Variants in RAP1GAP observed in about 807,000 individuals in gnomAD.
RAP1GAP encodes RAP1 GTPase activating protein, also known as rap1 GTPase-activating protein 1.
RAP1GAP carries 35 observed loss-of-function variants against 87.2 expected under a neutral mutation model. That is an observed-to-expected ratio of 0.40 (90% CI 0.31 to 0.53). The LOEUF is 0.53. Among genes scored for constraint, RAP1GAP ranks in the 20% least tolerant of loss-of-function variants. RAP1GAP has a pLI of 0.48. For synonymous variants in RAP1GAP, 375 were observed against 363.9 expected (o/e 1.03, Z -0.35); for missense variants, 734 against 898.9 (o/e 0.82, Z 2.35).
At chr1:21,648,721 A>G (rs16825755) in intron 2 of RAP1GAP, among the ~76,000 whole-genome samples, 19,626 of 152,188 alleles carry the variant, frequency 0.13, 1,641 homozygotes, top group East Asian at 0.25. Flanking sequence ...ATAGCACACC[A>G]TCTTGCAGAA....
intron 1 of RAP1GAP, among the ~76,000 whole-genome samples, chr1:21,667,413 C>T (rs1224779544): frequency 6.6e-6 from 1 of 152,196 alleles, no homozygotes; most frequent in Non-Finnish European, 1.5e-5. Flanking sequence ...GCCAGGCAGG[C>T]ACCTTGGGAA....
chr1:21,599,535 C>T lies in RAP1GAP; in HGVS notation c.1735G>A (p.Val579Met). The T allele has an allele frequency of 6.2e-7, 1 of 1,609,852 alleles. No individual in the cohort carries two copies. Among genetic ancestry groups the T allele is most frequent in the South Asian group, 1.1e-5 (1 of 91,088 alleles). Residue 579 changes from valine to methionine, a missense_variant, in exon 21 of 25, where the codon GTG (valine) becomes ATG (methionine). By Grantham distance (21) the Val-to-Met change is conservative (BLOSUM62 1). This residue lies in a region of RAP1GAP where 249 missense variants were observed against 252.7 expected (regional missense o/e 0.99). Transcript: ENST00000374765. ...SSSASSFASV[V>M]EETEGVDGED... ...CCGTCCACACCCTCCGTCTCCTCCACCACGCTGGCGAAGCTGCTGGCACTG... is the reference window on the plus strand; with the variant it reads ...CCGTCCACACCCTCCGTCTCCTCCATCACGCTGGCGAAGCTGCTGGCACTG...
At chr1:21,640,916 G>C (rs956226635) in intron 2 of RAP1GAP, among the ~76,000 whole-genome samples, 3 of 151,854 alleles carry the variant, frequency 2.0e-5, no homozygotes, top group Admixed American at 1.3e-4. Flanking sequence ...GTTATTTTTT[G>C]TGTGTGTGTG....
intron 2 of RAP1GAP, among the ~76,000 whole-genome samples, chr1:21,636,250 G>A (rs1033841012): frequency 1.8e-4 from 28 of 152,224 alleles, no homozygotes; most frequent in African/African-American, 6.8e-4. Context: ...CCACATAACA[G>A]CTGTGTGACC....
chr1:21,613,125 C>A lies in RAP1GAP; in HGVS notation c.528+51G>T, dbSNP rs1219214193. 5 of 1,507,466 alleles carry A rather than the reference C, an allele frequency of 3.3e-6. No homozygotes were observed. The highest frequency in any genetic ancestry group is 4.6e-6 in the Non-Finnish European group (5 of 1,083,218). 93.4% of individuals were successfully genotyped at this position (1,507,466 alleles called of 1,614,324 possible). On this transcript the variant is annotated intron_variant, in intron 10 of 24. Coordinates refer to ENST00000374765, the MANE Select transcript of RAP1GAP (RefSeq NM_002885.4). The surrounding 1 kb of genome is among the most constrained non-coding windows in gnomAD (Gnocchi z 4.7). ...AGAAGGTGCTTAATAAATGCTCAGT[C>A]TTCCAGTTACTCACCCACCCTCAGT...
chr1:21,651,858 G>A (rs2096600584), intron 1 of RAP1GAP: 2 of 1,084,738 alleles, frequency 1.8e-6, no homozygotes, highest in Non-Finnish European at 2.2e-6. Flanking sequence ...GCCCGCGCGA[G>A]CCGGAGCCGC....
At chr1:21,631,881 G>C (rs1374671443) in intron 2 of RAP1GAP, among the ~76,000 whole-genome samples, 3 of 152,128 alleles carry the variant, frequency 2.0e-5, no homozygotes. Flanking sequence ...CTCAGCCCAG[G>C]CCCTCAGTCC....
Position 21,603,075 on chromosome 1 carries a change from C to G in RAP1GAP, c.1429-162G>C. Reference sequence around the variant, plus strand: ...TTCCCAGAGACAGCCTCCCAGTTTACGAAAGGGAAACAGTCCCCAGGAGGG... The same window carrying G: ...TTCCCAGAGACAGCCTCCCAGTTTAGGAAAGGGAAACAGTCCCCAGGAGGG... On this transcript the variant is annotated intron_variant, in intron 18 of 24. Coordinates refer to ENST00000374765, the MANE Select transcript of RAP1GAP (RefSeq NM_002885.4). The surrounding 1 kb of genome is among the most constrained non-coding windows in gnomAD (Gnocchi z 6.0). 1 of 598,856 alleles carries G rather than the reference C, an allele frequency of 1.7e-6. No homozygotes were observed. Among genetic ancestry groups the G allele is most frequent in the African/African-American group, 1.9e-5 (1 of 53,836 alleles). 37.1% of individuals were successfully genotyped at this position (598,856 alleles called of 1,614,324 possible). A position where few individuals can be genotyped will look rare whatever the true frequency, so the allele number is the denominator to read the frequency against.
chr1:21,623,377 C>T (rs1423633980), intron 3 of RAP1GAP, among the ~76,000 whole-genome samples: 1 of 152,248 alleles, frequency 6.6e-6, no homozygotes, highest in East Asian at 1.9e-4. Flanking sequence ...CTGGTATAGC[C>T]ACTGTACAGC....
intron 2 of RAP1GAP, among the ~76,000 whole-genome samples, chr1:21,629,960 A>G (rs2093390419): frequency 6.6e-6 from 1 of 152,216 alleles, no homozygotes; most frequent in Non-Finnish European, 1.5e-5. Flanking sequence ...CAGCTCAGGA[A>G]CACGATCCAG....
intron 3 of RAP1GAP, among the ~76,000 whole-genome samples, chr1:21,624,297 G>A (rs982772380): frequency 5.3e-5 from 8 of 152,176 alleles, no homozygotes; most frequent in African/African-American, 9.7e-5. Flanking sequence ...TAATGACGCT[G>A]ATAAGAGCTC....
chr1:21,665,380 C>G (rs772602616), intron 1 of RAP1GAP: 10 of 379,562 alleles, frequency 2.6e-5, no homozygotes, highest in Non-Finnish European at 2.2e-5. Context: ...CACAAAGCAC[C>G]GGGCTGTGGC....
intron 2 of RAP1GAP, among the ~76,000 whole-genome samples, chr1:21,638,533 T>G (rs2095169928): frequency 6.6e-6 from 1 of 151,872 alleles, no homozygotes; most frequent in Non-Finnish European, 1.5e-5. Context: ...CCTCAGAATT[T>G]TGAGTGGGAT....
intron 1 of RAP1GAP, among the ~76,000 whole-genome samples, chr1:21,660,396 C>T (rs890224918): frequency 3.8e-5 from 5 of 130,784 alleles, no homozygotes; most frequent in Admixed American, 1.7e-4. Context: ...TGCAATGGCA[C>T]GATCTTGGCT....
intron 18 of RAP1GAP, 45 bp downstream of exon 18, chr1:21,606,021 C>T (rs757857607): frequency 4.1e-5 from 63 of 1,541,400 alleles, no homozygotes; most frequent in Non-Finnish European, 5.5e-5. Context: ...GAGCTGAGGG[C>T]CCCCCAGGGA....
In RAP1GAP at chr1:21,617,326, G is replaced by A. The variant is rs780792995; in HGVS notation, c.271C>T (p.Arg91Trp). The change falls in exon 7 of 25, where the codon CGG (arginine) becomes TGG (tryptophan). Residue 91 changes from arginine (R) to tryptophan (W), a missense_variant. Coordinates refer to ENST00000374765, the MANE Select transcript of RAP1GAP (RefSeq NM_002885.4). ...CCCACCTTGCCGAGAAAGTGCTTCC[G>A]GTAGATGCGGGCTGTGGGGTTGCAC... ...LECNPTARIY[R>W]KHFLGKEHFN... 3.2e-6 allele frequency: 5 copies of A among 1,583,868 alleles called. No homozygotes were observed. Among genetic ancestry groups the A allele is most frequent in the African/African-American group, 2.7e-5 (2 of 74,580 alleles).
chr1:21,614,796 C>A (rs866289248), intron 7 of RAP1GAP, among the ~76,000 whole-genome samples: 80 of 152,296 alleles, frequency 5.3e-4, no homozygotes, highest in African/African-American at 1.8e-3. Context: ...GGAGACACCA[C>A]CCAGCCTGGC....
chr1:21,653,574 TCCTTCCTTCCTTCCTTCCTC>T (rs1338897708), intron 1 of RAP1GAP, among the ~76,000 whole-genome samples: 26 of 130,770 alleles, frequency 2.0e-4, no homozygotes, highest in South Asian at 5.0e-4. Flanking sequence ...CTTCCTTCCT[TCCTTCCTTCCTTCCTTCCTC>T]CCTCCCTCCC....
At chr1:21,604,079 C>G (rs1236036189) in intron 18 of RAP1GAP, among the ~76,000 whole-genome samples, 1 of 151,390 alleles carries the variant, frequency 6.6e-6, no homozygotes, top group Admixed American at 6.6e-5. Context: ...GAGATAGGGC[C>G]GGGGAAAGGA....
Sources: gnomAD v4.1 joint callset for allele counts (sites outside exome capture counted in the v4.1 genomes callset) on GRCh38, gnomAD v4.1.1 for gene constraint, gnomAD v4.1.1 regional missense constraint, Gnocchi (gnomAD v3.1) non-coding constraint, MANE v1.5 for transcripts, NCBI Gene and HGNC (gene_info 2026-07-23, HGNC 2026-07-21) for gene names.